Variants in CD28 observed in about 807,000 individuals in gnomAD.
CD28 encodes the protein CD28 molecule.
A neutral mutation model predicts 21.4 loss-of-function variants in CD28; 8 were observed. The observed-to-expected ratio is 0.37, with a 90% CI of 0.22 to 0.68. The LOEUF is 0.68. CD28 is among the 30% of genes least tolerant of loss of function. CD28 has a pLI of 0.55. For missense variants in CD28, 239 were observed against 272.2 expected, an observed-to-expected ratio of 0.88 and a Z score of 0.86; for synonymous variants, 106 against 104.0, an observed-to-expected ratio of 1.02 and a Z score of -0.12.
chr2:203,717,807 A>C (rs1396792903), intron 1 of CD28, among the ~76,000 whole-genome samples: 2 of 152,162 alleles, frequency 1.3e-5, no homozygotes, highest in Non-Finnish European at 2.9e-5. Flanking sequence ...CTGTATATGC[A>C]TGTTTATCAA....
At chr2:203,721,953 C>T (rs3116491) in intron 1 of CD28, among the ~76,000 whole-genome samples, 20,380 of 152,064 alleles carry the variant, frequency 0.13, 1,648 homozygotes, top group Middle Eastern at 0.19. Context: ...TCCCTTCCCT[C>T]TCTCCACCTC....
Position 203,726,790 on chromosome 2 carries a change from G to A in CD28, c.210G>A (p.Gly70=), listed in dbSNP as rs56087636. The change falls in exon 2 of 4, where the codon GGG becomes GGA. Residue 70 remains glycine (G), a synonymous_variant. Transcript: ENST00000324106. The part of the protein sequence containing the change: ...DSAVEVCVVY[G]NYSQQLQVYS... ...CTGTGGAAGTCTGTGTTGTATATGG[G>A]AATTACTCCCAGCAGCTTCAGGTTT... 14,698 of 1,614,118 alleles carry A rather than the reference G, an allele frequency of 9.1e-3. 144 individuals are homozygous for A. Among genetic ancestry groups the A allele is most frequent in the South Asian group, 0.029 (2,684 of 91,078 alleles).
Position 203,735,189 on chromosome 2 carries a change from T to A in CD28, c.*277T>A. 1 of 405,806 alleles carries A rather than the reference T, an allele frequency of 2.5e-6. No homozygotes were observed. Among genetic ancestry groups the A allele is most frequent in the Non-Finnish European group, 4.4e-6 (1 of 227,758 alleles). The allele number at this position is 405,806 out of a possible 1,614,324, so 25.1% of individuals were successfully genotyped here. On this transcript the variant is annotated 3_prime_UTR_variant, in exon 4 of 4. Transcript: ENST00000324106. ...TAGTGACTTGACTGAGAAGTTAGGG[T>A]AGAAAACAAAAAGGGAGTGGATTCT...
chr2:203,734,667 G>A (rs1043769483), intron 3 of CD28, 117 bp from the exon 4 acceptor site: 37 of 1,263,370 alleles, frequency 2.9e-5, no homozygotes, highest in African/African-American at 4.4e-5. Flanking sequence ...CTCAAAAAAG[G>A]TTAGTGTTTT....
At chr2:203,709,368 G>T (rs1693252866) in intron 1 of CD28, among the ~76,000 whole-genome samples, 1 of 152,092 alleles carries the variant, frequency 6.6e-6, no homozygotes, top group Admixed American at 6.5e-5. Context: ...GTGTGTGTAT[G>T]TATGTATATG....
At chr2:203,734,247 T>C (rs1581520172) in intron 3 of CD28, among the ~76,000 whole-genome samples, 5 of 152,172 alleles carry the variant, frequency 3.3e-5, no homozygotes. Context: ...GAAAGAGAGA[T>C]GAGTGTAGAA....
intron 3 of CD28, among the ~76,000 whole-genome samples, chr2:203,730,868 T>C (rs912817130): frequency 5.9e-5 from 9 of 152,224 alleles, no homozygotes; most frequent in African/African-American, 2.2e-4. Context: ...CTGAAAGCCA[T>C]ATCATATGAA....
chr2:203,708,779 T>C (rs971823592), intron 1 of CD28, among the ~76,000 whole-genome samples: 2 of 152,216 alleles, frequency 1.3e-5, no homozygotes, highest in African/African-American at 4.8e-5. Context: ...GGGACACTTT[T>C]ACAGTCTTTT....
intron 1 of CD28, among the ~76,000 whole-genome samples, chr2:203,723,518 C>T (rs988671841): frequency 6.6e-6 from 1 of 151,374 alleles, no homozygotes; most frequent in African/African-American, 2.4e-5. Context: ...AAAATGCATA[C>T]AGAACTCCAA....
chr2:203,729,458 C>T (rs376627892), intron 2 of CD28, among the ~76,000 whole-genome samples, 190 bp from the exon 3 acceptor site: 76 of 152,176 alleles, frequency 5.0e-4, no homozygotes, highest in Non-Finnish European at 4.3e-4. Context: ...CAACTGTGGT[C>T]GTGAAAACTG....
At chr2:203,710,351 T>G (rs1205179176) in intron 1 of CD28, among the ~76,000 whole-genome samples, 1 of 152,248 alleles carries the variant, frequency 6.6e-6, no homozygotes, top group Non-Finnish European at 1.5e-5. Flanking sequence ...CAAGGACGTT[T>G]ACAGCAAGGA....
intron 1 of CD28, among the ~76,000 whole-genome samples, chr2:203,710,690 C>T (rs1693288964): frequency 6.6e-6 from 1 of 152,110 alleles, no homozygotes; most frequent in Non-Finnish European, 1.5e-5. Flanking sequence ...CACCAACATC[C>T]CAGAAGAAAA....
At chr2:203,706,781 T>C (rs761361508) in intron 1 of CD28, 33 bp downstream of exon 1, 1 of 1,534,068 alleles carries the variant, frequency 6.5e-7, no homozygotes, top group Admixed American at 1.7e-5. Context: ...TTTCTGTAAA[T>C]ATTTTTTGAG....
At chr2:203,727,821 A>G (rs1452737867) in intron 2 of CD28, among the ~76,000 whole-genome samples, 30 of 152,152 alleles carry the variant, frequency 2.0e-4, no homozygotes, top group Admixed American at 2.0e-3. Context: ...CTGGGACTAC[A>G]GGTACCTGCC....
intron 1 of CD28, among the ~76,000 whole-genome samples, chr2:203,716,148 A>T (rs1287779426): frequency 2.0e-5 from 3 of 152,040 alleles, no homozygotes; most frequent in Non-Finnish European, 4.4e-5. Flanking sequence ...GGCCATCTTC[A>T]CCTGTTTCCA....
At chr2:203,729,823 C>T (rs753806613) in intron 3 of CD28, 51 bp downstream of exon 3, 1 of 1,583,292 alleles carries the variant, frequency 6.3e-7, no homozygotes, top group Non-Finnish European at 8.6e-7. Context: ...CACATGAAAT[C>T]TGAACACATT....
chr2:203,730,586 T>C (rs1189374293), intron 3 of CD28, among the ~76,000 whole-genome samples: 3 of 152,204 alleles, frequency 2.0e-5, no homozygotes, highest in Admixed American at 6.5e-5. Context: ...TTCTAGAAGT[T>C]ACATGCATGG....
chr2:203,730,252 AT>A (rs200672863), intron 3 of CD28, among the ~76,000 whole-genome samples: 2 of 151,390 alleles, frequency 1.3e-5, no homozygotes, highest in Admixed American at 1.3e-4. Flanking sequence ...TCTGAGTCAT[AT>A]TTTTTTTTCT....
intron 1 of CD28, among the ~76,000 whole-genome samples, chr2:203,718,379 G>T (rs1490258140): frequency 6.6e-6 from 1 of 152,196 alleles, no homozygotes; most frequent in Admixed American, 6.5e-5. Context: ...AACTTAACTA[G>T]CTCTGTGGTC....
Sources: gnomAD v4.1 joint callset for allele counts (sites outside exome capture counted in the v4.1 genomes callset) on GRCh38, gnomAD v4.1.1 for gene constraint, MANE v1.5 for transcripts, NCBI Gene and HGNC (gene_info 2026-07-23, HGNC 2026-07-21) for gene names.